MFNG: variants seen among roughly 807,000 people sequenced by gnomAD.
The protein encoded by MFNG is MFNG O-fucosylpeptide 3-beta-N-acetylglucosaminyltransferase.
MFNG carries 24 observed loss-of-function variants against 34.2 expected under a neutral mutation model. The observed-to-expected ratio is 0.70, with a 90% CI of 0.51 to 0.99. MFNG has a LOEUF of 0.99. MFNG is among the 50% of genes least tolerant of loss of function. The pLI is 0.00. For missense variants in MFNG, 383 were observed against 424.0 expected (o/e 0.90, Z 0.85); for synonymous variants, 158 against 179.2 (o/e 0.88, Z 0.94).
At chr22:37,478,335 A>C (rs977201956) in intron 4 of MFNG, among the ~76,000 whole-genome samples, 8 of 152,086 alleles carry the variant, frequency 5.3e-5, no homozygotes, top group Non-Finnish European at 1.5e-5. Flanking sequence ...GACCACTCTA[A>C]CACCTGATGC....
Position 37,469,274 on chromosome 22 carries a change from C to T in MFNG, c.*689G>A, listed in dbSNP as rs948183702. 3 of 158,218 alleles carry T rather than the reference C, an allele frequency of 1.9e-5. No homozygotes were observed. Among genetic ancestry groups the T allele is most frequent in the African/African-American group, 7.2e-5 (3 of 41,444 alleles). 9.8% of individuals were successfully genotyped at this position (158,218 alleles called of 1,614,324 possible). A position where few individuals can be genotyped will look rare whatever the true frequency, so the allele number is the denominator to read the frequency against. On this transcript the variant is annotated 3_prime_UTR_variant, in exon 8 of 8. Transcript: ENST00000356998. ...TTGGATTTGCTTAGTTCCCTCTGGC[C>T]AGAGCTGGTCCCATGGTAGCCCCTA...
At chr22:37,484,831 G>C (rs1922467451) in intron 1 of MFNG, among the ~76,000 whole-genome samples, 1 of 152,202 alleles carries the variant, frequency 6.6e-6, no homozygotes, top group Non-Finnish European at 1.5e-5. Context: ...GCAGAAATCA[G>C]GGCAGGGTGC....
chr22:37,480,014 A>AT (rs1380040849), intron 3 of MFNG, among the ~76,000 whole-genome samples, 183 bp downstream of exon 3: 1 of 152,062 alleles, frequency 6.6e-6, no homozygotes, highest in Non-Finnish European at 1.5e-5. Flanking sequence ...CAAAAAAAAA[A>AT]GCCATTTTCC....
In MFNG at chr22:37,474,645, A is replaced by G; in HGVS notation, c.680T>C (p.Ile227Thr). 6.2e-7 allele frequency: 1 copy of G among 1,610,672 alleles called. No homozygotes were observed. ...GSRFMDTSALIRLPDDCTMGY... is the reference protein window; with the variant it reads ...GSRFMDTSALTRLPDDCTMGY... ...CATGGTGCAGTCATCAGGCAGCCGGATGAGAGCAGATGTGTCCATGAAACG... is the reference window on the plus strand; with the variant it reads ...CATGGTGCAGTCATCAGGCAGCCGGGTGAGAGCAGATGTGTCCATGAAACG... The change falls in exon 6 of 8, where the codon ATC becomes ACC. Residue 227 changes from isoleucine to threonine, a missense_variant. Ile to Thr is a moderately conservative substitution (Grantham distance 89). Coordinates refer to ENST00000356998, the MANE Select transcript of MFNG (RefSeq NM_002405.4).
Position 37,480,290 on chromosome 22 carries a change from A to G in MFNG, c.314T>C (p.Leu105Pro). Residue 105 changes from leucine (L) to proline (P), a missense_variant, in exon 3 of 8, where the codon CTT becomes CCT. Physicochemically the swap from Leu to Pro is moderately conservative, Grantham distance 98. Transcript: ENST00000356998. ...KGLQERLGSH[L>P]VVTNCSAEHS... ...TTCCGCGGAGCAGTTGGTGACCACA[A>G]GGTGGGACCCTGGAGAAGTGAGGAG... 1 of 1,613,594 alleles carries G rather than the reference A, an allele frequency of 6.2e-7. No homozygotes were observed. Among genetic ancestry groups the G allele is most frequent in the Non-Finnish European group, 8.5e-7 (1 of 1,179,548 alleles).
At chr22:37,472,603 T>C in intron 6 of MFNG, 75 bp from the exon 7 acceptor site, 1 of 1,373,996 alleles carries the variant, frequency 7.3e-7, no homozygotes, top group South Asian at 1.3e-5. Flanking sequence ...CTGGCACAGG[T>C]GGAGGAGGGG....
At chr22:37,477,068 C>T (rs1922076846) in intron 4 of MFNG, 87 bp from the exon 5 acceptor site, 1 of 1,106,842 alleles carries the variant, frequency 9.0e-7, no homozygotes, top group Non-Finnish European at 1.4e-6. Context: ...CACCCCCAAC[C>T]AGCATGGCTC....
At chr22:37,474,842 C>T (rs1921969885) in intron 5 of MFNG, among the ~76,000 whole-genome samples, 165 bp from the exon 6 acceptor site, 1 of 152,226 alleles carries the variant, frequency 6.6e-6, no homozygotes, top group African/African-American at 2.4e-5. Flanking sequence ...GGAGCCTCAG[C>T]CTCAGTCTCC....
Position 37,485,125 on chromosome 22 carries a change from T to C in MFNG, c.255+798A>G, listed in dbSNP as rs759942819. On this transcript the variant is annotated intron_variant, in intron 1 of 7. Coordinates refer to ENST00000356998, the MANE Select transcript of MFNG (RefSeq NM_002405.4). This position sits in a 1 kb window ranked among gnomAD's most constrained non-coding sequence, Gnocchi z 5.3. Reference sequence around the variant, plus strand: ...TTGGCTCGCCGGAGCCGCACAGCCATGTGACAGACATGCCTCTTGTCACAC... The same window carrying C: ...TTGGCTCGCCGGAGCCGCACAGCCACGTGACAGACATGCCTCTTGTCACAC... Among the ~76,000 whole-genome samples, 1 of 152,076 alleles carries C rather than the reference T, an allele frequency of 6.6e-6. No individual in the cohort carries two copies. Among genetic ancestry groups the C allele is most frequent in the Non-Finnish European group, 1.5e-5 (1 of 67,992 alleles).
Position 37,479,378 on chromosome 22 carries a change from G to T in MFNG, c.528C>A (p.Ile176=), listed in dbSNP as rs777531879. The T allele has an allele frequency of 3.7e-6, 6 of 1,603,996 alleles. No individual in the cohort carries two copies. In the South Asian group the frequency reaches 6.7e-5, roughly 18 times the overall value. The change falls in exon 4 of 8, where the codon ATC becomes ATA. Residue 176 remains isoleucine, a synonymous_variant. Coordinates refer to ENST00000356998, the MANE Select transcript of MFNG (RefSeq NM_002405.4). ...YVGRPSLNRP[I]HASEPQPHNR... is the part of the protein sequence containing the mutation. ...TGTGGGGCTGTGGCTCTGAGGCATG[G>T]ATGGGCCGGTTCAGGCTGGGCCTTC...
intron 7 of MFNG, among the ~76,000 whole-genome samples, chr22:37,470,513 G>C (rs1420470392): frequency 6.6e-6 from 1 of 152,224 alleles, no homozygotes. Flanking sequence ...CCTCTTGTCA[G>C]TATAGCTACG....
At chr22:37,479,198 G>A in intron 4 of MFNG, 147 bp downstream of exon 4, 1 of 772,664 alleles carries the variant, frequency 1.3e-6, no homozygotes, top group Admixed American at 3.9e-5. Flanking sequence ...GAGGGTTGAA[G>A]AGGGGAAGCT....
intron 5 of MFNG, among the ~76,000 whole-genome samples, chr22:37,476,313 A>G (rs1282308856): frequency 6.6e-6 from 1 of 151,874 alleles, no homozygotes; most frequent in East Asian, 1.9e-4. Context: ...ATTAGGAGTA[A>G]TATCATCTCC....
At chr22:37,480,381 G>A (rs1254140899) in intron 2 of MFNG, 82 bp from the exon 3 acceptor site, 1 of 1,127,872 alleles carries the variant, frequency 8.9e-7, no homozygotes, top group Non-Finnish European at 1.3e-6. Context: ...AGCAAGGCTG[G>A]GCAACAGGGA....
At chr22:37,472,645 C>G (rs1921863861) in intron 6 of MFNG, 117 bp from the exon 7 acceptor site, 1 of 983,354 alleles carries the variant, frequency 1.0e-6, no homozygotes, top group Non-Finnish European at 1.5e-6. Context: ...GCCCGGGAAC[C>G]TGAAATTCCC....
At chr22:37,475,928 G>A (rs946965912) in intron 5 of MFNG, among the ~76,000 whole-genome samples, 3 of 152,170 alleles carry the variant, frequency 2.0e-5, no homozygotes, top group African/African-American at 7.2e-5. Flanking sequence ...TGCCTGGGGC[G>A]CCCCTCCCAG....
chr22:37,479,685 T>C (rs1454398223), intron 3 of MFNG, among the ~76,000 whole-genome samples, 187 bp from the exon 4 acceptor site: 2 of 152,012 alleles, frequency 1.3e-5, no homozygotes, highest in African/African-American at 4.8e-5. Flanking sequence ...CACTTCACAG[T>C]TGAGGACCAA....
At chr22:37,476,829 G>T in intron 5 of MFNG, 67 bp downstream of exon 5, 3 of 1,290,090 alleles carry the variant, frequency 2.3e-6, no homozygotes, top group South Asian at 2.4e-5. Context: ...CTGCTGCAAA[G>T]GCCCCTCCTG....
Position 37,486,287 on chromosome 22 carries a change from G to A in MFNG, c.-110C>T. 7.8e-7 allele frequency: 1 copy of A among 1,282,354 alleles called. No individual in the cohort carries two copies. The highest frequency in any genetic ancestry group is 1.0e-6 in the Non-Finnish European group (1 of 969,362). The allele number at this position is 1,282,354 out of a possible 1,614,324, so 79.4% of individuals were successfully genotyped here. A position where few individuals can be genotyped will look rare whatever the true frequency, so the allele number is the denominator to read the frequency against. On this transcript the variant is annotated 5_prime_UTR_variant, in exon 1 of 8. Coordinates refer to ENST00000356998, the MANE Select transcript of MFNG (RefSeq NM_002405.4). ...AGAGGCAAAAGTCTGGCAGGCATCAGGGGCTGGCAAGGAGGGAAGAGGTAG... is the reference window on the plus strand; with the variant it reads ...AGAGGCAAAAGTCTGGCAGGCATCAAGGGCTGGCAAGGAGGGAAGAGGTAG...
Sources: gnomAD v4.1 joint callset for allele counts (sites outside exome capture counted in the v4.1 genomes callset) on GRCh38, gnomAD v4.1.1 for gene constraint, Gnocchi (gnomAD v3.1) non-coding constraint, MANE v1.5 for transcripts, NCBI Gene and HGNC (gene_info 2026-07-23, HGNC 2026-07-21) for gene names.